The following KNTC1 variants were observed in gnomAD, a reference collection of about 807,000 sequenced individuals.
KNTC1 encodes the protein kinetochore-associated protein 1.
KNTC1 carries 253 observed loss-of-function variants against 314.4 expected under a neutral mutation model. That is an observed-to-expected ratio of 0.80 (90% confidence interval 0.73 to 0.89). The LOEUF (loss-of-function observed/expected upper bound fraction) is 0.89. Among genes scored for constraint, KNTC1 ranks in the 40% least tolerant of loss-of-function variants. The pLI is 0.00. For synonymous variants in KNTC1, 901 were observed against 901.4 expected, an observed-to-expected ratio of 1.00 and a Z score of 0.01; for missense variants, 2,475 against 2,572.9, an observed-to-expected ratio of 0.96 and a Z score of 0.82.
At chr12:122,584,584 G>A in intron 35 of KNTC1, 134 bp downstream of exon 35, 1 of 613,834 alleles carries the variant, frequency 1.6e-6, no homozygotes, top group Non-Finnish European at 2.8e-6. Flanking sequence ...ACAAAGGGAT[G>A]CTTATAATTG....
intron 20 of KNTC1, among the ~76,000 whole-genome samples, chr12:122,565,096 C>T (rs1227112072): frequency 6.6e-6 from 1 of 152,030 alleles, no homozygotes; most frequent in Non-Finnish European, 1.5e-5. Flanking sequence ...TTTTGCTAAT[C>T]TGATGTATGC....
At chr12:122,556,759 G>A (rs897484006) in intron 16 of KNTC1, among the ~76,000 whole-genome samples, 5 of 151,484 alleles carry the variant, frequency 3.3e-5, no homozygotes, top group Non-Finnish European at 7.4e-5. Flanking sequence ...CACCGTGCCC[G>A]ACCTCTACTC....
At chr12:122,583,765 G>T (rs1436665028) in intron 34 of KNTC1, among the ~76,000 whole-genome samples, 3 of 152,116 alleles carry the variant, frequency 2.0e-5, no homozygotes, top group Non-Finnish European at 2.9e-5. Context: ...GGTGGAGGTT[G>T]CAGTGAGCCC....
chr12:122,536,581 G>A (rs1961857578), intron 3 of KNTC1, among the ~76,000 whole-genome samples: 1 of 146,178 alleles, frequency 6.8e-6, no homozygotes. Flanking sequence ...GTGCAGTGGT[G>A]CTCTCTCAGC....
intron 4 of KNTC1, among the ~76,000 whole-genome samples, chr12:122,539,335 A>G (rs140037225): frequency 4.3e-4 from 66 of 152,254 alleles, no homozygotes; most frequent in African/African-American, 1.5e-3. Flanking sequence ...GGTATTTTAA[A>G]TTAAAAAAAT....
At chr12:122,529,569 A>C (rs1034076153) in intron 1 of KNTC1, among the ~76,000 whole-genome samples, 3 of 152,160 alleles carry the variant, frequency 2.0e-5, no homozygotes, top group African/African-American at 7.2e-5. Context: ...CTTTTTCTGA[A>C]CTTCATCTGG....
chr12:122,547,566 C>T (rs774737307), intron 11 of KNTC1, 36 bp downstream of exon 11: 3 of 1,226,424 alleles, frequency 2.4e-6, no homozygotes, highest in Non-Finnish European at 3.6e-6. Context: ...CATTTCCCTT[C>T]TGTTAGTACC....
At chr12:122,539,631 TTTTTC>T in intron 4 of KNTC1, 40 bp from the exon 5 acceptor site, 2 of 1,303,218 alleles carry the variant, frequency 1.5e-6, no homozygotes, top group Non-Finnish European at 2.1e-6. Context: ...CTTGATTGTA[TTTTTC>T]TATGTTTAAT....
intron 43 of KNTC1, chr12:122,597,412 C>G (rs973664090): frequency 6.5e-6 from 2 of 309,320 alleles, no homozygotes; most frequent in African/African-American, 4.4e-5. Context: ...CCATGCCTGG[C>G]TAATTTTTGT....
chr12:122,612,037 C>A (rs1253030675), intron 53 of KNTC1, among the ~76,000 whole-genome samples: 1 of 150,972 alleles, frequency 6.6e-6, no homozygotes, highest in Non-Finnish European at 1.5e-5. Context: ...TTAATTTTTA[C>A]TACTTCATCA....
chr12:122,580,544 A>G, intron 32 of KNTC1, 59 bp from the exon 33 acceptor site: 1 of 1,080,550 alleles, frequency 9.3e-7, no homozygotes, highest in South Asian at 1.5e-5. Flanking sequence ...CTTCTTTTTA[A>G]AATTCTGATA....
intron 29 of KNTC1, 50 bp from the exon 30 acceptor site, chr12:122,576,845 G>T: frequency 6.3e-6 from 9 of 1,423,218 alleles, no homozygotes; most frequent in South Asian, 1.6e-5. Flanking sequence ...GTGATTTCTT[G>T]GTTTTCTGTG....
At chr12:122,535,128 C>T (rs184526330) in intron 3 of KNTC1, among the ~76,000 whole-genome samples, 2 of 152,324 alleles carry the variant, frequency 1.3e-5, no homozygotes, top group Admixed American at 1.3e-4. Context: ...TGGGTATTTG[C>T]ATATTTTTAG....
At chr12:122,615,873 C>T (rs2138172443) in intron 57 of KNTC1, among the ~76,000 whole-genome samples, 1 of 152,324 alleles carries the variant, frequency 6.6e-6, no homozygotes, top group South Asian at 2.1e-4. Context: ...ACTCAGCTCA[C>T]ATCACCTCCT....
At chr12:122,619,993 A>T (rs1874248286) in intron 59 of KNTC1, 1 of 151,518 alleles carries the variant, frequency 6.6e-6, no homozygotes, top group Admixed American at 6.6e-5. Flanking sequence ...ACGTGGTGAA[A>T]CCCCGTCTCT....
chr12:122,590,673 G>C lies in KNTC1; in HGVS notation c.4066G>C (p.Asp1356His), dbSNP rs1414692143. 1 of 1,613,622 alleles carries C rather than the reference G, an allele frequency of 6.2e-7. No individual in the cohort carries two copies. The highest frequency in any genetic ancestry group is 8.5e-7 in the Non-Finnish European group (1 of 1,179,708). Residue 1356 changes from aspartate to histidine, a missense_variant, in exon 41 of 64, where the codon GAT (aspartate) becomes CAT (histidine). Physicochemically the swap from Asp to His is moderately conservative, Grantham distance 81. Transcript: ENST00000333479. ...LGYCTLLPQK[D>H]VFENLWKLID... Reference sequence around the variant, plus strand: ...TTACTGCACTCTCTTACCTCAAAAAGATGTGTTTGAAAATCTCTGGAAGCT... The same window carrying C: ...TTACTGCACTCTCTTACCTCAAAAACATGTGTTTGAAAATCTCTGGAAGCT...
At chr12:122,578,678 C>T (rs1965190683) in intron 31 of KNTC1, among the ~76,000 whole-genome samples, 1 of 152,150 alleles carries the variant, frequency 6.6e-6, no homozygotes, top group Non-Finnish European at 1.5e-5. Context: ...CCTCGGCCTT[C>T]CAAAGTGCTA....
chr12:122,555,879 G>A (rs1202821114), intron 16 of KNTC1, among the ~76,000 whole-genome samples: 1 of 151,994 alleles, frequency 6.6e-6, no homozygotes, highest in Non-Finnish European at 1.5e-5. Flanking sequence ...AAACAAGAAT[G>A]ATTGTATATA....
chr12:122,588,864 T>C (rs1031257136), intron 40 of KNTC1, 48 bp downstream of exon 40: 2 of 1,189,344 alleles, frequency 1.7e-6, no homozygotes, highest in African/African-American at 1.6e-5. Flanking sequence ...TTTTTTGCCT[T>C]TTACCTCAGT....
Sources: allele counts gnomAD v4.1 joint callset (sites outside exome capture counted in the v4.1 genomes callset), GRCh38; gene constraint gnomAD v4.1.1; transcripts MANE v1.5; gene names NCBI Gene and HGNC (gene_info 2026-07-23, HGNC 2026-07-21).